Variants in ZNF724 observed in about 807,000 individuals in gnomAD.
ZNF724 encodes zinc finger protein 724 pseudogene.
In ZNF724, 14 loss-of-function variants were observed where a neutral mutation model predicts 29.3. The observed-to-expected ratio is 0.48, with a 90% CI of 0.32 to 0.75. The LOEUF (loss-of-function observed/expected upper bound fraction) is 0.75, where lower values mean the gene tolerates loss of function less well. ZNF724 is among the 30% of genes least tolerant of loss of function. ZNF724 has a pLI of 0.04. For synonymous variants in ZNF724, 180 were observed against 193.6 expected (o/e 0.93, Z 0.58); for missense variants, 557 against 571.2 (o/e 0.98, Z 0.25).
chr19:23,248,450 A>AAC (rs752736136), intron 1 of ZNF724, among the ~76,000 whole-genome samples: 4 of 152,134 alleles, frequency 2.6e-5, no homozygotes, highest in Non-Finnish European at 5.9e-5. Flanking sequence ...CCCTGCTTGG[A>AAC]ACACACGTAA....
rs777038796 is a variant in ZNF724 at position 23,223,204 on chromosome 19, A to G, written c.1041T>C (p.Phe347=). Residue 347 remains phenylalanine (F), a synonymous_variant, in exon 4 of 4, where the codon TTT becomes TTC. Coordinates refer to ENST00000418100, the MANE Select transcript of ZNF724 (RefSeq NM_001355404.2). ...PYKCEECGKA[F]NVSSTLTQHK... is the part of the protein sequence containing the mutation. ...GTTGAGTAAGGGTTGAGGACACATTAAAGGCTTTGCCACATTCTTCACATT... is the reference window on the plus strand; with the variant it reads ...GTTGAGTAAGGGTTGAGGACACATTGAAGGCTTTGCCACATTCTTCACATT... The G allele has an allele frequency of 6.4e-6, 7 of 1,097,278 alleles. No homozygotes were observed. The highest frequency in any genetic ancestry group is 8.4e-6 in the Non-Finnish European group (6 of 710,182). 68.0% of individuals were successfully genotyped at this position (1,097,278 alleles called of 1,614,324 possible). A position where few individuals can be genotyped will look rare whatever the true frequency, so the allele number is the denominator to read the frequency against.
rs1971730475 is a variant in ZNF724 at position 23,222,371 on chromosome 19, C to T, written c.*14G>A. 4 of 1,004,676 alleles carry T rather than the reference C, an allele frequency of 4.0e-6. No individual in the cohort carries two copies. The highest frequency in any genetic ancestry group is 6.1e-6 in the Non-Finnish European group (4 of 655,976). 62.2% of individuals were successfully genotyped at this position (1,004,676 alleles called of 1,614,324 possible). A position where few individuals can be genotyped will look rare whatever the true frequency, so the allele number is the denominator to read the frequency against. On this transcript the variant is annotated 3_prime_UTR_variant, in exon 4 of 4. Coordinates refer to ENST00000418100, the MANE Select transcript of ZNF724 (RefSeq NM_001355404.2). Reference sequence around the variant, plus strand: ...GGATTACAGGTGTGAGCCACCACGCCTGGTCCATTTTTCTTATTTGTCAGA... The same window carrying T: ...GGATTACAGGTGTGAGCCACCACGCTTGGTCCATTTTTCTTATTTGTCAGA...
At chr19:23,232,960 C>T (rs1971963071) in intron 1 of ZNF724, among the ~76,000 whole-genome samples, 1 of 152,026 alleles carries the variant, frequency 6.6e-6, no homozygotes, top group African/African-American at 2.4e-5. Context: ...CACAAAGATA[C>T]TTAATAATGA....
At chr19:23,227,656 A>ATATAAAAAAT (rs1407983051) in intron 3 of ZNF724, among the ~76,000 whole-genome samples, 1 of 152,010 alleles carries the variant, frequency 6.6e-6, no homozygotes, top group Non-Finnish European at 1.5e-5. Context: ...TCTGATATAT[A>ATATAAAAAAT]AAACAAATAT....
intron 1 of ZNF724, among the ~76,000 whole-genome samples, chr19:23,240,281 CAAAA>C (rs34902602): frequency 0.011 from 1,285 of 118,634 alleles, 23 homozygotes; most frequent in African/African-American, 0.038. Flanking sequence ...GAGACTCTGT[CAAAA>C]AAAAAAAAAA....
intron 1 of ZNF724, among the ~76,000 whole-genome samples, chr19:23,239,567 A>G (rs1248463118): frequency 6.6e-6 from 1 of 152,338 alleles, no homozygotes; most frequent in East Asian, 1.9e-4. Flanking sequence ...CAACACAGCC[A>G]AGGCAGTGTT....
chr19:23,225,602 T>C (rs1971812397), intron 3 of ZNF724, among the ~76,000 whole-genome samples: 2 of 152,038 alleles, frequency 1.3e-5, no homozygotes, highest in Non-Finnish European at 2.9e-5. Context: ...CAAGACTCCG[T>C]CTCAAAAAAC....
At position 23,224,424 on chromosome 19, in the gene ZNF724, A is replaced by T. The variant is rs1971787043; in HGVS notation, c.227-406T>A. On this transcript the variant is annotated intron_variant, in intron 3 of 3. Coordinates refer to ENST00000418100, the MANE Select transcript of ZNF724 (RefSeq NM_001355404.2). ...CAAGACTTTGACTCAAAAAACAAAC[A>T]AACAAACAAAAAACTGCATAACAAA... is the stretch of plus-strand genomic sequence containing the variant. Among the ~76,000 whole-genome samples, 3 of 152,220 alleles carry T rather than the reference A, an allele frequency of 2.0e-5. No homozygotes were observed. The South Asian group carries it at 6.2e-4, about 32-fold the overall frequency.
chr19:23,237,856 T>C (rs1725434782), intron 1 of ZNF724, among the ~76,000 whole-genome samples: 1 of 152,208 alleles, frequency 6.6e-6, no homozygotes, highest in South Asian at 2.1e-4. Flanking sequence ...GTTGAGTTTA[T>C]ACACTGAACT....
At chr19:23,238,462 T>C (rs1972060567) in intron 1 of ZNF724, among the ~76,000 whole-genome samples, 1 of 152,228 alleles carries the variant, frequency 6.6e-6, no homozygotes, top group Non-Finnish European at 1.5e-5. Context: ...ACAAAAGGTT[T>C]CTTTAGCTGT....
In ZNF724 at chr19:23,225,694, A is replaced by G. The variant is rs367602075; in HGVS notation, c.227-1676T>C. Among the ~76,000 whole-genome samples the G allele has an allele frequency of 1.1e-4, 17 of 152,324 alleles. No homozygotes were observed. In the East Asian group the frequency reaches 2.9e-3, roughly 26 times the overall value. On this transcript the variant is annotated intron_variant, in intron 3 of 3. Coordinates refer to ENST00000418100, the MANE Select transcript of ZNF724 (RefSeq NM_001355404.2). ...TCACCTAAAATAAGACAGTAACAGA[A>G]TGATGCATACTATATGATTCCACTT...
chr19:23,240,452 A>C (rs898539740), intron 1 of ZNF724, among the ~76,000 whole-genome samples: 4 of 152,026 alleles, frequency 2.6e-5, no homozygotes, highest in African/African-American at 9.7e-5. Context: ...AAACAAAATT[A>C]TTGGACGACA....
intron 1 of ZNF724, among the ~76,000 whole-genome samples, chr19:23,240,236 A>G (rs1792334210): frequency 1.3e-5 from 2 of 150,592 alleles, no homozygotes; most frequent in Non-Finnish European, 2.9e-5. Context: ...CAATTACTTG[A>G]ACGCAGGAGG....
chr19:23,240,743 C>T (rs1599646583), intron 1 of ZNF724, among the ~76,000 whole-genome samples: 1 of 140,356 alleles, frequency 7.1e-6, no homozygotes, highest in Admixed American at 7.3e-5. Context: ...AAAAAAATGG[C>T]AACAGAGGCC....
chr19:23,223,381 G>T lies in ZNF724; in HGVS notation c.864C>A (p.Gly288=), dbSNP rs778762850. ...GENAYKCKEC[G]KAFNQSSTLT... ...GGGTTGATGATTGGTTAAAAGCTTT[G>T]CCACATTCTTTACATTTGTAGGCAT... The change falls in exon 4 of 4, where the codon GGC becomes GGA. Residue 288 remains glycine, a synonymous_variant. Transcript: ENST00000418100. 2 of 771,292 alleles carry T rather than the reference G, an allele frequency of 2.6e-6. No homozygotes were observed. Among genetic ancestry groups the T allele is most frequent in the South Asian group, 2.7e-5 (2 of 73,736 alleles). 47.8% of individuals were successfully genotyped at this position (771,292 alleles called of 1,614,324 possible). A position where few individuals can be genotyped will look rare whatever the true frequency, so the allele number is the denominator to read the frequency against.
At chr19:23,227,571 C>CAAAAAAAAAAAAACA (rs372023948) in intron 3 of ZNF724, among the ~76,000 whole-genome samples, 2 of 118,988 alleles carry the variant, frequency 1.7e-5, no homozygotes, top group East Asian at 2.5e-4. Context: ...AAAAAAAAAA[C>CAAAAAAAAAAAAACA]AAAAAAAAAC....
chr19:23,229,315 C>A (rs1162058488), intron 3 of ZNF724, among the ~76,000 whole-genome samples: 1 of 152,136 alleles, frequency 6.6e-6, no homozygotes, highest in Admixed American at 6.5e-5. Flanking sequence ...GGGAGAGGTC[C>A]TGCCCTTCCA....
chr19:23,246,876 C>T (rs1972246322), intron 1 of ZNF724, among the ~76,000 whole-genome samples: 1 of 152,112 alleles, frequency 6.6e-6, no homozygotes. Flanking sequence ...TCCTTGATAG[C>T]TCTCTAAAAG....
intron 1 of ZNF724, among the ~76,000 whole-genome samples, chr19:23,242,088 A>C (rs1238749677): frequency 6.6e-6 from 1 of 152,188 alleles, no homozygotes; most frequent in African/African-American, 2.4e-5. Flanking sequence ...TCAACATACA[A>C]GCCAAAAGCC....
Sources: gnomAD v4.1 joint callset for allele counts (sites outside exome capture counted in the v4.1 genomes callset) on GRCh38, gnomAD v4.1.1 for gene constraint, MANE v1.5 for transcripts, NCBI Gene and HGNC (gene_info 2026-07-23, HGNC 2026-07-21) for gene names.